Variants in TNN observed in about 807,000 individuals in gnomAD.
TNN encodes the protein tenascin-N.
A neutral mutation model predicts 134.4 loss-of-function variants in TNN; 122 were observed. That is an observed-to-expected ratio of 0.91 (90% CI 0.78 to 1.06). TNN has a LOEUF of 1.06. Among genes scored for constraint, TNN ranks in the 50% least tolerant of loss-of-function variants. The pLI is 0.00. For missense variants in TNN, 1,739 were observed against 1,699.4 expected, an observed-to-expected ratio of 1.02 and a Z score of -0.41; for synonymous variants, 710 against 670.3, an observed-to-expected ratio of 1.06 and a Z score of -0.91.
Position 175,097,699 on chromosome 1 carries a change from T to C in TNN, c.1855+16T>C. ...GCCCCGACAGGTAACAAAAGAGAGA[T>C]GGTCAATTGGAATTGAGTTTTAGCT... On this transcript the variant is annotated intron_variant, in intron 8 of 18. Transcript: ENST00000239462. 6.2e-7 allele frequency: 1 copy of C among 1,613,762 alleles called. No individual in the cohort carries two copies. The highest frequency in any genetic ancestry group is 8.5e-7 in the Non-Finnish European group (1 of 1,179,864).
chr1:175,119,711 T>C (rs1675298603), intron 11 of TNN, among the ~76,000 whole-genome samples: 1 of 147,370 alleles, frequency 6.8e-6, no homozygotes, highest in Non-Finnish European at 1.5e-5. Context: ...CTCGGCTCAC[T>C]GCAAGCTCCG....
chr1:175,092,910 G>A (rs1048267029), intron 6 of TNN, among the ~76,000 whole-genome samples: 1 of 152,086 alleles, frequency 6.6e-6, no homozygotes, highest in Non-Finnish European at 1.5e-5. Context: ...CCTCATTACT[G>A]CTGCAGTGGC....
chr1:175,101,392 A>T (rs1390487022), intron 9 of TNN, among the ~76,000 whole-genome samples: 1 of 151,142 alleles, frequency 6.6e-6, no homozygotes, highest in Non-Finnish European at 1.5e-5. Flanking sequence ...GTTACAGCTC[A>T]TAAAAGCAGC....
At chr1:175,143,284 G>T (rs1368315116) in intron 17 of TNN, among the ~76,000 whole-genome samples, 1 of 152,206 alleles carries the variant, frequency 6.6e-6, no homozygotes, top group African/African-American at 2.4e-5. Context: ...AGATATAAAT[G>T]TAAGAATCTT....
rs577721281 is a variant in TNN, at chr1:175,079,803, C to G, written c.784+96C>G. The G allele has an allele frequency of 5.6e-6, 8 of 1,432,000 alleles. No individual in the cohort carries two copies. The African/African-American group carries it at 7.1e-5, about 13-fold the overall frequency. The allele number at this position is 1,432,000 out of a possible 1,614,324, so 88.7% of individuals were successfully genotyped here. A position where few individuals can be genotyped will look rare whatever the true frequency, so the allele number is the denominator to read the frequency against. On this transcript the variant is annotated intron_variant, in intron 3 of 18. Coordinates refer to ENST00000239462, the MANE Select transcript of TNN (RefSeq NM_022093.2). ...CGTTGTCATCTTTGGGGGTCTCTTC[C>G]TTTAGCCTACGCCAGATTGCTGAGT...
At chr1:175,112,874 C>G (rs182649286) in intron 9 of TNN, among the ~76,000 whole-genome samples, 1 of 151,750 alleles carries the variant, frequency 6.6e-6, no homozygotes, top group African/African-American at 2.4e-5. Flanking sequence ...CTGCCTGCCT[C>G]GACCTCCCAA....
chr1:175,124,792 C>G (rs1293467678), intron 12 of TNN, among the ~76,000 whole-genome samples: 2 of 152,198 alleles, frequency 1.3e-5, no homozygotes, highest in Admixed American at 6.5e-5. Flanking sequence ...CTCCCTTCTT[C>G]CCTCTTTCCC....
At chr1:175,112,275 G>A (rs924350709) in intron 9 of TNN, among the ~76,000 whole-genome samples, 3 of 151,852 alleles carry the variant, frequency 2.0e-5, no homozygotes, top group Non-Finnish European at 4.4e-5. Context: ...TTGTGTTTAT[G>A]TGATGTGTCA....
At chr1:175,080,469 C>T in intron 4 of TNN, 43 bp downstream of exon 4, 1 of 1,607,792 alleles carries the variant, frequency 6.2e-7, no homozygotes, top group Non-Finnish European at 8.5e-7. Context: ...AGGAGAGGCC[C>T]CATTCTAAAT....
intron 15 of TNN, among the ~76,000 whole-genome samples, chr1:175,131,336 CT>C (rs1221743956): frequency 2.6e-5 from 4 of 152,296 alleles, no homozygotes; most frequent in African/African-American, 9.6e-5. Flanking sequence ...GCAAGTTTGA[CT>C]TTTTTTCTCT....
chr1:175,109,137 G>A (rs1347321324), intron 9 of TNN, among the ~76,000 whole-genome samples: 6 of 122,404 alleles, frequency 4.9e-5, no homozygotes, highest in Admixed American at 2.8e-4. Flanking sequence ...GCCGGACTGC[G>A]GACTGCAGTG....
Position 175,146,914 on chromosome 1 carries a change from T to C in TNN, c.3760-17T>C. 6.9e-7 allele frequency: 1 copy of C among 1,450,012 alleles called. No individual in the cohort carries two copies. Among genetic ancestry groups the C allele is most frequent in the South Asian group, 1.5e-5 (1 of 68,210 alleles). 89.8% of individuals were successfully genotyped at this position (1,450,012 alleles called of 1,614,324 possible). On this transcript the variant is annotated splice_polypyrimidine_tract_variant and intron_variant, in intron 18 of 18. Coordinates refer to ENST00000239462, the MANE Select transcript of TNN (RefSeq NM_022093.2). ...AAGAGCCTCTTCTTGATGTGGCTTTTTTTTTTTTTTTGGTAGGGGGTGAAC... is the reference window on the plus strand; with the variant it reads ...AAGAGCCTCTTCTTGATGTGGCTTTCTTTTTTTTTTTGGTAGGGGGTGAAC...
At chr1:175,131,611 C>T (rs1358400871) in intron 15 of TNN, among the ~76,000 whole-genome samples, 1 of 152,124 alleles carries the variant, frequency 6.6e-6, no homozygotes, top group East Asian at 1.9e-4. Flanking sequence ...CATTTGGAAA[C>T]TGATATAATA....
chr1:175,097,614 T>A lies in TNN; in HGVS notation c.1786T>A (p.Tyr596Asn), dbSNP rs144621928. 29 of 1,613,814 alleles carry A rather than the reference T, an allele frequency of 1.8e-5. No individual in the cohort carries two copies. The highest frequency in any genetic ancestry group is 2.4e-5 in the Non-Finnish European group (28 of 1,179,956). The change falls in exon 8 of 19, where the codon TAC becomes AAC. Residue 596 changes from tyrosine (Y) to asparagine (N), a missense_variant. Coordinates refer to ENST00000239462, the MANE Select transcript of TNN (RefSeq NM_022093.2). Reference protein sequence around the residue: ...VLTGLRPGVEYTVHVWAQKGD... With the variant: ...VLTGLRPGVENTVHVWAQKGD... ...GACAGGCCTGAGGCCAGGTGTGGAG[T>A]ACACAGTGCATGTCTGGGCCCAGAA...
chr1:175,099,902 A>G (rs1674677187), intron 9 of TNN, among the ~76,000 whole-genome samples: 1 of 151,618 alleles, frequency 6.6e-6, no homozygotes, highest in South Asian at 2.1e-4. Flanking sequence ...CCAATACATC[A>G]GGGGTTCCCC....
chr1:175,098,730 C>G, intron 9 of TNN, 135 bp downstream of exon 9: 2 of 1,284,590 alleles, frequency 1.6e-6, no homozygotes, highest in Non-Finnish European at 2.1e-6. Flanking sequence ...ACATTGTGTC[C>G]CCCTCACTTC....
chr1:175,131,417 A>G (rs1675670084), intron 15 of TNN, among the ~76,000 whole-genome samples: 1 of 152,138 alleles, frequency 6.6e-6, no homozygotes, highest in African/African-American at 2.4e-5. Flanking sequence ...AACCAGACAC[A>G]AAGAGGTTTC....
At chr1:175,071,557 C>A (rs1225491609) in intron 1 of TNN, among the ~76,000 whole-genome samples, 1 of 152,172 alleles carries the variant, frequency 6.6e-6, no homozygotes, top group African/African-American at 2.4e-5. Flanking sequence ...GAGGAAGTAA[C>A]CCTCTCTTAA....
chr1:175,120,586 G>A (rs530622717), intron 11 of TNN, among the ~76,000 whole-genome samples: 79 of 152,302 alleles, frequency 5.2e-4, no homozygotes, highest in South Asian at 3.3e-3. Flanking sequence ...TGTAGCCAGT[G>A]GGAAGAGGCA....
Sources: gnomAD v4.1 joint callset for allele counts (sites outside exome capture counted in the v4.1 genomes callset) on GRCh38, gnomAD v4.1.1 for gene constraint, MANE v1.5 for transcripts, NCBI Gene and HGNC (gene_info 2026-07-23, HGNC 2026-07-21) for gene names.